PPP2R1B: variants seen among roughly 807,000 people sequenced by gnomAD.
The protein encoded by PPP2R1B is protein phosphatase 2 scaffold subunit Abeta, also known as serine/threonine-protein phosphatase 2A 65 kDa regulatory subunit A beta isoform.
Under a neutral mutation model 72.7 loss-of-function variants are expected in PPP2R1B, and 58 were observed. That is an observed-to-expected ratio of 0.80 (90% confidence interval 0.65 to 0.99). The LOEUF (loss-of-function observed/expected upper bound fraction) is 0.99. Among genes scored for constraint, PPP2R1B ranks in the 50% least tolerant of loss-of-function variants. The pLI is 0.00. For synonymous variants in PPP2R1B, 256 were observed against 264.6 expected, an observed-to-expected ratio of 0.97 and a Z score of 0.32; for missense variants, 695 against 733.6, an observed-to-expected ratio of 0.95 and a Z score of 0.61.
the PPP2R1B span, among the ~76,000 whole-genome samples, chr11:111,705,362 C>A: frequency 6.6e-6 from 1 of 152,180 alleles, no homozygotes. The surrounding 1 kb of genome is among the most constrained non-coding windows in gnomAD (Gnocchi z 4.3). Context: ...TCATCATTCA[C>A]AATGTTGAGA....
chr11:111,719,868 G>A, the PPP2R1B span: 7 of 1,614,154 alleles, frequency 4.3e-6, no homozygotes, highest in Admixed American at 5.0e-5. Flanking sequence ...CTCCATTGAC[G>A]AAGGGCTGGA....
chr11:111,706,959 CAA>C, the PPP2R1B span, among the ~76,000 whole-genome samples: 13 of 52,106 alleles, frequency 2.5e-4, no homozygotes, highest in Admixed American at 8.0e-4. Context: ...GACTCCGTCT[CAA>C]AAAAAAAAAA....
At position 111,759,753 on chromosome 11, in the gene PPP2R1B, T is replaced by C. The variant is rs781995998; in HGVS notation, c.687+51A>G. 8 of 1,498,812 alleles carry C rather than the reference T, an allele frequency of 5.3e-6. No homozygotes were observed. The African/African-American group carries it at 1.1e-4, about 21-fold the overall frequency. The allele number at this position is 1,498,812 out of a possible 1,614,324, so 92.8% of individuals were successfully genotyped here. A position where few individuals can be genotyped will look rare whatever the true frequency, so the allele number is the denominator to read the frequency against. On this transcript the variant is annotated intron_variant, in intron 5 of 14. Coordinates refer to ENST00000527614, the MANE Select transcript of PPP2R1B (RefSeq NM_002716.5). ...AACTCCCCAAAGAAATTCTGAAAAT[T>C]TAGAGGAAAGGAGCATATCTGTGTC...
At chr11:111,701,660 A>G in the PPP2R1B span, 1 of 1,512,760 alleles carries the variant, frequency 6.6e-7, no homozygotes, top group Non-Finnish European at 8.9e-7. This position sits in a 1 kb window ranked among gnomAD's most constrained non-coding sequence, Gnocchi z 4.2. Context: ...CTTTTTTTCT[A>G]AGAGTTTGGG....
intron 11 of PPP2R1B, among the ~76,000 whole-genome samples, chr11:111,744,724 T>C (rs563643032): frequency 6.6e-6 from 1 of 152,316 alleles, no homozygotes; most frequent in African/African-American, 2.4e-5. Context: ...GTCCCAGTCC[T>C]AGGCAATTTA....
downstream of PPP2R1B, chr11:111,723,426 T>A: frequency 1.4e-6 from 2 of 1,478,014 alleles, no homozygotes; most frequent in South Asian, 2.7e-5. Context: ...GTGACTGGTA[T>A]TGCATTTACA....
intron 3 of PPP2R1B, among the ~76,000 whole-genome samples, chr11:111,763,780 G>C (rs1270416097): frequency 6.6e-6 from 1 of 151,842 alleles, no homozygotes; most frequent in African/African-American, 2.4e-5. Flanking sequence ...GGTATGTTAA[G>C]TTTGAAATAC....
chr11:111,720,627 A>T, the PPP2R1B span: 1 of 1,614,014 alleles, frequency 6.2e-7, no homozygotes, highest in South Asian at 1.1e-5. Flanking sequence ...ACCCCGCATG[A>T]CATCTCCCTT....
At chr11:111,720,505 C>T in the PPP2R1B span, 1 of 1,604,366 alleles carries the variant, frequency 6.2e-7, no homozygotes, top group South Asian at 1.1e-5. Flanking sequence ...AATGACAGCC[C>T]CTCCCTTGAC....
At position 111,741,160 on chromosome 11, in the gene PPP2R1B, C is replaced by T; in HGVS notation, c.*436G>A. On this transcript the variant is annotated 3_prime_UTR_variant, in exon 15 of 15. Coordinates refer to ENST00000527614, the MANE Select transcript of PPP2R1B (RefSeq NM_002716.5). ...CGAAGAGTTTATAAAATAAGTTATTCTAAACATGTACATTTAGCTTTGGAA... is the reference window on the plus strand; with the variant it reads ...CGAAGAGTTTATAAAATAAGTTATTTTAAACATGTACATTTAGCTTTGGAA... 1.1e-5 allele frequency: 11 copies of T among 992,112 alleles called. No homozygotes were observed. The highest frequency in any genetic ancestry group is 1.3e-5 in the Non-Finnish European group (11 of 833,984). The allele number at this position is 992,112 out of a possible 1,614,324, so 61.5% of individuals were successfully genotyped here.
In PPP2R1B at chr11:111,760,843, T is replaced by C; in HGVS notation, c.515A>G (p.Asn172Ser). The C allele has an allele frequency of 6.2e-7, 1 of 1,614,164 alleles. No homozygotes were observed. The highest frequency in any genetic ancestry group is 1.1e-5 in the South Asian group (1 of 91,062). Residue 172 changes from asparagine to serine, a missense_variant, in exon 4 of 15, where the codon AAT becomes AGT. Physicochemically the swap from Asn to Ser is conservative, Grantham distance 46. Transcript: ENST00000527614. ...CTGTCTGATTTCTGCTTTAACAGCA[T>C]TTGATGCCCTGGGATAGCAAACGCT... ...LFSVCYPRASNAVKAEIRQQF... is the reference protein window; with the variant it reads ...LFSVCYPRASSAVKAEIRQQF...
the PPP2R1B span, chr11:111,701,080 A>T: frequency 1.0e-5 from 16 of 1,558,774 alleles, no homozygotes; most frequent in Non-Finnish European, 1.4e-5. This position sits in a 1 kb window ranked among gnomAD's most constrained non-coding sequence, Gnocchi z 4.2. Flanking sequence ...GGCCCATCTT[A>T]GAAGCTCCTG....
At chr11:111,743,078 G>A (rs548153955) in intron 12 of PPP2R1B, among the ~76,000 whole-genome samples, 124 of 152,104 alleles carry the variant, frequency 8.2e-4, no homozygotes, top group African/African-American at 2.8e-3. Flanking sequence ...ATTTTTAGTA[G>A]AGACAAGGTC....
intron 11 of PPP2R1B, 82 bp from the exon 12 acceptor site, chr11:111,743,612 T>C: frequency 6.6e-7 from 1 of 1,507,226 alleles, no homozygotes; most frequent in Non-Finnish European, 8.9e-7. Context: ...GAAAATCAAA[T>C]GTGGACCAAA....
chr11:111,693,362 G>A, the PPP2R1B span, among the ~76,000 whole-genome samples: 1 of 151,524 alleles, frequency 6.6e-6, no homozygotes, highest in Non-Finnish European at 1.5e-5. Flanking sequence ...AGACACTAAT[G>A]AGCCATGGAT....
chr11:111,735,772 G>A (rs148885015), downstream of PPP2R1B, among the ~76,000 whole-genome samples: 54 of 152,284 alleles, frequency 3.5e-4, 1 homozygote, highest in East Asian at 8.9e-3. Context: ...GCGCGCTCAC[G>A]CTCACCCCAT....
downstream of PPP2R1B, among the ~76,000 whole-genome samples, chr11:111,723,177 G>A (rs1297647275): frequency 1.3e-5 from 2 of 152,198 alleles, no homozygotes; most frequent in African/African-American, 4.8e-5. Flanking sequence ...GACACCTGCA[G>A]AGGCCAAGGT....
chr11:111,729,572 GT>G (rs1944113705), intron 15 of PPP2R1B: 1 of 152,220 alleles, frequency 6.6e-6, no homozygotes, highest in Admixed American at 6.5e-5. Context: ...CTGGCTTCTG[GT>G]TTTGGTTCTC....
intron 15 of PPP2R1B, among the ~76,000 whole-genome samples, chr11:111,731,560 C>T (rs555781402): frequency 3.9e-5 from 6 of 152,342 alleles, no homozygotes; most frequent in South Asian, 4.1e-4. Context: ...AGCAGGATCT[C>T]GACTGAAATT....
Sources: allele counts gnomAD v4.1 joint callset (sites outside exome capture counted in the v4.1 genomes callset), GRCh38; gene constraint gnomAD v4.1.1; non-coding constraint Gnocchi (gnomAD v3.1); transcripts MANE v1.5; gene names NCBI Gene and HGNC (gene_info 2026-07-23, HGNC 2026-07-21).